Variants in ETFDH observed in about 807,000 individuals in gnomAD.
ETFDH encodes electron transfer flavoprotein-ubiquinone oxidoreductase, mitochondrial.
Under a neutral mutation model 73.2 loss-of-function variants are expected in ETFDH, and 61 were observed. That is an observed-to-expected ratio of 0.83 (90% CI 0.68 to 1.03). ETFDH has a LOEUF of 1.03. Ranked by LOEUF, ETFDH falls within the 50% of genes least tolerant of loss-of-function variation. The probability of loss-of-function intolerance (pLI) is 0.00; values close to 1 mark genes in which losing one functional copy is unlikely to be tolerated. For missense variants in ETFDH, 685 were observed against 745.0 expected (o/e 0.92, Z 0.94); for synonymous variants, 243 against 253.3 (o/e 0.96, Z 0.39).
intron 3 of ETFDH, 30 bp downstream of exon 3, chr4:158,682,454 T>A: frequency 1.3e-6 from 2 of 1,496,026 alleles, no homozygotes; most frequent in Non-Finnish European, 1.9e-6. Context: ...ATACAAAGTC[T>A]AATCTTTTGT....
intron 5 of ETFDH, among the ~76,000 whole-genome samples, chr4:158,685,803 G>T (rs4690908): frequency 1 from 152,231 of 152,302 alleles, 76,080 homozygotes; most frequent in Non-Finnish European, 1. Flanking sequence ...CTACCTTTCA[G>T]CAGAAGGGAA....
intron 1 of ETFDH, chr4:158,679,287 T>C (rs899909276): frequency 7.9e-5 from 12 of 152,118 alleles, no homozygotes; most frequent in African/African-American, 2.9e-4. Flanking sequence ...TTTTTAATGA[T>C]AGGGACGATT....
chr4:158,672,419 C>G lies in ETFDH; in HGVS notation c.-38C>G, dbSNP rs766955990. On this transcript the variant is annotated 5_prime_UTR_variant, in exon 1 of 13. Coordinates refer to ENST00000511912, the MANE Select transcript of ETFDH (RefSeq NM_004453.4). ...CCCGCCGCGAGCAGCGGACAGTCCT[C>G]CTGTTGTGTCCGACCGAGAGTCCTG... is the stretch of plus-strand genomic sequence containing the variant. The G allele has an allele frequency of 5.0e-6, 8 of 1,612,836 alleles. No individual in the cohort carries two copies. The highest frequency in any genetic ancestry group is 1.1e-5 in the South Asian group (1 of 91,060).
intron 3 of ETFDH, among the ~76,000 whole-genome samples, chr4:158,683,140 T>C (rs1333557546): frequency 1.3e-5 from 2 of 152,208 alleles, no homozygotes; most frequent in African/African-American, 4.8e-5. Flanking sequence ...AAGAAACATA[T>C]TAATATGGCT....
intron 1 of ETFDH, among the ~76,000 whole-genome samples, chr4:158,675,130 A>T (rs1773680212): frequency 6.6e-6 from 1 of 152,216 alleles, no homozygotes; most frequent in Admixed American, 6.5e-5. Context: ...GTATAGTCAG[A>T]GTTGTGAAAC....
At chr4:158,685,245 A>T (rs747188738) in intron 5 of ETFDH, 26 bp downstream of exon 5, 1 of 1,229,634 alleles carries the variant, frequency 8.1e-7, no homozygotes, top group South Asian at 1.2e-5. Flanking sequence ...TTTTGTTTTA[A>T]TATTTATAGG....
rs768113932 is a variant in ETFDH, at chr4:158,706,612, C to CCTCAA, written c.1469-16_1469-12dup. The CCTCAA allele has an allele frequency of 4.4e-6, 7 of 1,593,112 alleles. No individual in the cohort carries two copies. Among genetic ancestry groups the CCTCAA allele is most frequent in the Non-Finnish European group, 6.0e-6 (7 of 1,161,152 alleles). ...AAAATCATATTTTGTTAAGCATTTC[C>CCTCAA]CTCAAAATTGTTGAAGGTTCTGACT... On this transcript the variant is annotated splice_polypyrimidine_tract_variant and intron_variant, in intron 11 of 12. Coordinates refer to ENST00000511912, the MANE Select transcript of ETFDH (RefSeq NM_004453.4).
chr4:158,680,512 C>T lies in ETFDH; in HGVS notation c.80C>T (p.Pro27Leu), dbSNP rs1349402022. 3 of 1,601,396 alleles carry T rather than the reference C, an allele frequency of 1.9e-6. No homozygotes were observed. The highest frequency in any genetic ancestry group is 2.2e-5 in the East Asian group (1 of 44,730). ...HALKIKKNYLPLCATRWSSTS... is the reference protein window; with the variant it reads ...HALKIKKNYLLLCATRWSSTS... ...TTAAAAATTAAGAAAAATTATCTAC[C>T]TCTATGTGCTACAAGATGGTCTTCA... Residue 27 changes from proline to leucine, a missense_variant, in exon 2 of 13, where the codon CCT becomes CTT. Pro to Leu is a moderately conservative substitution (Grantham distance 98). Transcript: ENST00000511912.
intron 5 of ETFDH, 100 bp downstream of exon 5, chr4:158,685,319 C>T (rs1773977815): frequency 4.1e-6 from 3 of 739,936 alleles, no homozygotes; most frequent in Non-Finnish European, 7.2e-6. Flanking sequence ...TTTTTAAAAG[C>T]CATGGGATTT....
chr4:158,685,844 GGAAGT>G (rs1773989816), intron 5 of ETFDH, among the ~76,000 whole-genome samples: 1 of 152,286 alleles, frequency 6.6e-6, no homozygotes, highest in Non-Finnish European at 1.5e-5. Context: ...AATCTTGAAA[GGAAGT>G]GAATGATTTT....
rs1018370462 is a variant in ETFDH, at chr4:158,706,638, T to C, written c.1478T>C (p.Phe493Ser). 1 of 1,613,702 alleles carries C rather than the reference T, an allele frequency of 6.2e-7. No individual in the cohort carries two copies. The highest frequency in any genetic ancestry group is 1.7e-5 in the Admixed American group (1 of 60,008). Residue 493 changes from phenylalanine (F) to serine (S), a missense_variant, in exon 12 of 13, where the codon TTT becomes TCT. By Grantham distance (155) the Phe-to-Ser change is radical. Transcript: ENST00000511912. Reference protein sequence around the residue: ...PWTLKHKGSDFERLKPAKDCT... With the variant: ...PWTLKHKGSDSERLKPAKDCT... ...CTCAAAATTGTTGAAGGTTCTGACT[T>C]TGAACGGCTCAAGCCAGCCAAGGAT...
In ETFDH at chr4:158,684,690, A is replaced by G; in HGVS notation, c.487+17A>G. ...TTCTTCCAGGTAAGGTATAGTGAATATGCATAGAACTATGGAATTCCACAG... is the reference window on the plus strand; with the variant it reads ...TTCTTCCAGGTAAGGTATAGTGAATGTGCATAGAACTATGGAATTCCACAG... On this transcript the variant is annotated intron_variant, in intron 4 of 12. Coordinates refer to ENST00000511912, the MANE Select transcript of ETFDH (RefSeq NM_004453.4). 2.3e-6 allele frequency: 3 copies of G among 1,280,754 alleles called. No individual in the cohort carries two copies. In the African/African-American group the frequency reaches 4.4e-5, roughly 19 times the overall value. 79.3% of individuals were successfully genotyped at this position (1,280,754 alleles called of 1,614,324 possible). A position where few individuals can be genotyped will look rare whatever the true frequency, so the allele number is the denominator to read the frequency against.
rs993314323 is a variant in ETFDH, at chr4:158,706,845, C to G, written c.1685C>G (p.Pro562Arg). The G allele has an allele frequency of 6.3e-7, 1 of 1,583,552 alleles. No homozygotes were observed. Among genetic ancestry groups the G allele is most frequent in the Non-Finnish European group, 8.7e-7 (1 of 1,152,470 alleles). ...IYDGPEQRFCPAGVYEFVPVE... is the reference protein window; with the variant it reads ...IYDGPEQRFCRAGVYEFVPVE... ...GATGGGCCCGAGCAGCGATTCTGTC[C>G]TGCAGGTAATAATTTCCATCTATTC... The change falls in exon 12 of 13, where the codon CCT (proline) becomes CGT (arginine). Residue 562 changes from proline to arginine, a missense_variant. Pro to Arg is a moderately radical substitution (Grantham distance 103). Transcript: ENST00000511912.
At chr4:158,689,637 T>TA (rs56365608) in intron 5 of ETFDH, among the ~76,000 whole-genome samples, 2 of 60,664 alleles carry the variant, frequency 3.3e-5, no homozygotes, top group African/African-American at 5.7e-5. Context: ...TATATATATA[T>TA]TGTGGGGGGG....
chr4:158,697,510 C>T, intron 7 of ETFDH, 49 bp from the exon 8 acceptor site: 2 of 1,550,730 alleles, frequency 1.3e-6, no homozygotes, highest in Non-Finnish European at 1.8e-6. Flanking sequence ...GACATAAAAA[C>T]ATTTTTAAAA....
At chr4:158,675,713 G>A (rs1773694632) in intron 1 of ETFDH, among the ~76,000 whole-genome samples, 1 of 151,136 alleles carries the variant, frequency 6.6e-6, no homozygotes, top group Admixed American at 6.6e-5. Flanking sequence ...AGGCTTCAGT[G>A]AGCCATGATC....
At chr4:158,703,371 G>C in intron 9 of ETFDH, 52 bp from the exon 10 acceptor site, 1 of 1,273,000 alleles carries the variant, frequency 7.9e-7, no homozygotes, top group Non-Finnish European at 1.1e-6. Context: ...GTATTCTGTT[G>C]TTCTTGTTTA....
chr4:158,691,993 A>T (rs1774177613), intron 6 of ETFDH, among the ~76,000 whole-genome samples: 2 of 152,210 alleles, frequency 1.3e-5, no homozygotes, highest in African/African-American at 4.8e-5. Context: ...GTATCAGTAA[A>T]TATGTGTCAA....
chr4:158,707,839 G>GTA (rs2126319189), intron 12 of ETFDH, among the ~76,000 whole-genome samples: 1 of 152,218 alleles, frequency 6.6e-6, no homozygotes, highest in South Asian at 2.1e-4. Context: ...TGGTAAGACT[G>GTA]TATCTTCTGT....
Sources: gnomAD v4.1 joint callset for allele counts (sites outside exome capture counted in the v4.1 genomes callset) on GRCh38, gnomAD v4.1.1 for gene constraint, MANE v1.5 for transcripts, NCBI Gene and HGNC (gene_info 2026-07-23, HGNC 2026-07-21) for gene names.